Variants in SYNPR observed in about 807,000 individuals in gnomAD.
SYNPR encodes synaptoporin.
SYNPR carries 23 observed loss-of-function variants against 32.9 expected under a neutral mutation model. The observed-to-expected ratio is 0.70, with a 90% CI of 0.50 to 0.99. The LOEUF (loss-of-function observed/expected upper bound fraction) is 0.99, where lower values mean the gene tolerates loss of function less well. Among genes scored for constraint, SYNPR ranks in the 50% least tolerant of loss-of-function variants. SYNPR has a pLI of 0.00. For missense variants in SYNPR, 318 were observed against 349.3 expected, an observed-to-expected ratio of 0.91 and a Z score of 0.71; for synonymous variants, 146 against 135.9, an observed-to-expected ratio of 1.07 and a Z score of -0.52.
At chr3:63,248,038 G>C (rs775765358) in intron 1 of SYNPR, among the ~76,000 whole-genome samples, 1 of 152,080 alleles carries the variant, frequency 6.6e-6, no homozygotes, top group African/African-American at 2.4e-5. Flanking sequence ...AGCACTGAAG[G>C]GATACCTAAC....
intron 2 of SYNPR, among the ~76,000 whole-genome samples, chr3:63,392,730 T>C (rs2088155803): frequency 1.3e-5 from 2 of 152,224 alleles, no homozygotes; most frequent in African/African-American, 4.8e-5. Context: ...CTCCATTTCT[T>C]ACCGGATAAT....
intron 2 of SYNPR, among the ~76,000 whole-genome samples, chr3:63,433,902 A>T (rs1226823225): frequency 6.6e-6 from 1 of 152,160 alleles, no homozygotes; most frequent in Non-Finnish European, 1.5e-5. Flanking sequence ...CTCCAATTAA[A>T]ATAATGCCCC....
intron 4 of SYNPR, among the ~76,000 whole-genome samples, chr3:63,571,441 T>C (rs1702883830): frequency 6.6e-6 from 1 of 152,160 alleles, no homozygotes; most frequent in African/African-American, 2.4e-5. Flanking sequence ...TTTCAGTCAC[T>C]GGTTACTAAC....
intron 3 of SYNPR, among the ~76,000 whole-genome samples, chr3:63,500,143 A>C (rs900403828): frequency 1.3e-5 from 2 of 152,208 alleles, no homozygotes; most frequent in African/African-American, 4.8e-5. Context: ...CCATACCTGC[A>C]TACCACCTGG....
chr3:63,362,598 T>C (rs183144195), intron 2 of SYNPR, among the ~76,000 whole-genome samples: 1 of 152,294 alleles, frequency 6.6e-6, no homozygotes, highest in African/African-American at 2.4e-5. Flanking sequence ...TAGAGTCTGG[T>C]GGACTAACAC....
intron 3 of SYNPR, among the ~76,000 whole-genome samples, chr3:63,544,767 G>A (rs1266164321): frequency 6.6e-6 from 1 of 151,928 alleles, no homozygotes; most frequent in Non-Finnish European, 1.5e-5. Context: ...ACCTTTAATT[G>A]TGAGCTTTTG....
chr3:63,489,568 T>G (rs1701218628), intron 3 of SYNPR, among the ~76,000 whole-genome samples: 1 of 152,186 alleles, frequency 6.6e-6, no homozygotes, highest in Non-Finnish European at 1.5e-5. Context: ...AATTTTTTAT[T>G]AAGCACCTGC....
At chr3:63,566,998 A>G (rs1363304923) in intron 4 of SYNPR, among the ~76,000 whole-genome samples, 2 of 152,176 alleles carry the variant, frequency 1.3e-5, no homozygotes. Context: ...TGACTTTCTC[A>G]TCTTGAGAAA....
At chr3:63,351,650 T>C (rs2087511355) in intron 2 of SYNPR, 1 of 152,214 alleles carries the variant, frequency 6.6e-6, no homozygotes, top group Admixed American at 6.5e-5. Flanking sequence ...ACTCTCAGAC[T>C]GCTTTTATAG....
intron 2 of SYNPR, among the ~76,000 whole-genome samples, chr3:63,261,856 A>G (rs2086440858): frequency 6.6e-6 from 1 of 151,712 alleles, no homozygotes; most frequent in Admixed American, 6.6e-5. Flanking sequence ...GAAGGGGAAC[A>G]TCACACACCG....
At chr3:63,503,233 G>T (rs1337958491) in intron 3 of SYNPR, among the ~76,000 whole-genome samples, 1 of 151,682 alleles carries the variant, frequency 6.6e-6, no homozygotes, top group African/African-American at 2.4e-5. Context: ...ATATTTATTT[G>T]CCCTCTGCAT....
At chr3:63,604,041 G>A (rs1486382533) in intron 4 of SYNPR, among the ~76,000 whole-genome samples, 2 of 152,070 alleles carry the variant, frequency 1.3e-5, no homozygotes, top group Non-Finnish European at 2.9e-5. Flanking sequence ...TTATTAGTCT[G>A]TTCAGGGATT....
intron 2 of SYNPR, among the ~76,000 whole-genome samples, chr3:63,436,452 G>T (rs568808571): frequency 6.6e-6 from 1 of 150,606 alleles, no homozygotes; most frequent in Admixed American, 6.7e-5. Context: ...TTGTCCTTGC[G>T]ATAGTTTGCT....
At chr3:63,336,199 A>G (rs1389717287) in intron 2 of SYNPR, among the ~76,000 whole-genome samples, 1 of 152,140 alleles carries the variant, frequency 6.6e-6, no homozygotes, top group African/African-American at 2.4e-5. Flanking sequence ...TAAAATAATT[A>G]TAAAAGAGTA....
intron 2 of SYNPR, among the ~76,000 whole-genome samples, chr3:63,301,432 T>G (rs1434010130): frequency 2.6e-5 from 4 of 152,088 alleles, no homozygotes; most frequent in African/African-American, 9.6e-5. Flanking sequence ...TATAAAAGAC[T>G]CCATTATAAG....
At chr3:63,406,294 A>G (rs771002226) in intron 2 of SYNPR, among the ~76,000 whole-genome samples, 2 of 152,142 alleles carry the variant, frequency 1.3e-5, no homozygotes, top group Non-Finnish European at 2.9e-5. Context: ...TTGTTGTAGA[A>G]AAAAACATTG....
chr3:63,406,627 T>C (rs1265474763), intron 2 of SYNPR, among the ~76,000 whole-genome samples: 1 of 152,090 alleles, frequency 6.6e-6, no homozygotes, highest in Non-Finnish European at 1.5e-5. Flanking sequence ...ACAAGGCAGG[T>C]AGGCATTTGG....
intron 2 of SYNPR, among the ~76,000 whole-genome samples, chr3:63,391,429 T>C (rs1293449794): frequency 6.6e-6 from 1 of 152,238 alleles, no homozygotes; most frequent in African/African-American, 2.4e-5. Context: ...ATCACCATTG[T>C]CTGAACTGGA....
At chr3:63,579,801 A>G (rs934549071) in intron 4 of SYNPR, among the ~76,000 whole-genome samples, 12 of 140,676 alleles carry the variant, frequency 8.5e-5, no homozygotes, top group Non-Finnish European at 1.6e-4. Flanking sequence ...ACACACACAC[A>G]CACACACACA....
Sources: allele counts gnomAD v4.1 joint callset (sites outside exome capture counted in the v4.1 genomes callset), GRCh38; gene constraint gnomAD v4.1.1; transcripts MANE v1.5; gene names NCBI Gene and HGNC (gene_info 2026-07-23, HGNC 2026-07-21).